Variants in ATP6V1H observed in about 807,000 individuals in gnomAD.
ATP6V1H encodes the protein V-type proton ATPase subunit H.
ATP6V1H carries 39 observed loss-of-function variants against 71.7 expected under a neutral mutation model. The observed-to-expected ratio is 0.54, with a 90% confidence interval of 0.42 to 0.71. The LOEUF (loss-of-function observed/expected upper bound fraction) is 0.71. ATP6V1H is among the 30% of genes least tolerant of loss of function. The probability of loss-of-function intolerance (pLI) is 0.00; values close to 1 mark genes in which losing one functional copy is unlikely to be tolerated. For missense variants in ATP6V1H, 509 were observed against 594.9 expected, an observed-to-expected ratio of 0.86 and a Z score of 1.50; for synonymous variants, 192 against 199.3, an observed-to-expected ratio of 0.96 and a Z score of 0.31.
At chr8:53,812,614 T>C (rs1647619998) in intron 6 of ATP6V1H, among the ~76,000 whole-genome samples, 1 of 152,200 alleles carries the variant, frequency 6.6e-6, no homozygotes, top group African/African-American at 2.4e-5. Flanking sequence ...CAATTTTCAT[T>C]TTATGAATTC....
intron 9 of ATP6V1H, among the ~76,000 whole-genome samples, chr8:53,777,957 C>T (rs141360320): frequency 1.1e-3 from 171 of 152,232 alleles, no homozygotes; most frequent in African/African-American, 4.1e-3. Context: ...GTTTTTCCCT[C>T]TTTACTTCCA....
intron 12 of ATP6V1H, among the ~76,000 whole-genome samples, chr8:53,753,603 T>C (rs1807880678): frequency 6.6e-6 from 1 of 152,238 alleles, no homozygotes; most frequent in Admixed American, 6.5e-5. Context: ...GTTTTAAAAC[T>C]ATCATATTTT....
At chr8:53,814,839 A>C in intron 5 of ATP6V1H, 73 bp from the exon 6 acceptor site, 2 of 988,026 alleles carry the variant, frequency 2.0e-6, no homozygotes, top group South Asian at 3.2e-5. Flanking sequence ...TAAAAAAAGG[A>C]TTTGTAACAA....
At chr8:53,837,573 C>T (rs532533847) in intron 2 of ATP6V1H, among the ~76,000 whole-genome samples, 1 of 151,382 alleles carries the variant, frequency 6.6e-6, no homozygotes, top group Admixed American at 6.6e-5. Flanking sequence ...AATGAAGAGG[C>T]CAAAGAATCT....
chr8:53,726,493 T>A (rs1806817335), intron 13 of ATP6V1H, among the ~76,000 whole-genome samples: 1 of 152,350 alleles, frequency 6.6e-6, no homozygotes, highest in Admixed American at 6.5e-5. Flanking sequence ...AAGATTAAAG[T>A]AAATCATGAC....
In ATP6V1H at chr8:53,762,804, T is replaced by C. The variant is rs149973428; in HGVS notation, c.1176-6148A>G. ...ACAGTTGACCATTGAACAGCACAAATCTGAACTGCACAGGTCCACTTACAC... is the reference window on the plus strand; with the variant it reads ...ACAGTTGACCATTGAACAGCACAAACCTGAACTGCACAGGTCCACTTACAC... On this transcript the variant is annotated intron_variant, in intron 11 of 13. Coordinates refer to ENST00000359530, the MANE Select transcript of ATP6V1H (RefSeq NM_015941.4). Among the ~76,000 whole-genome samples the C allele has an allele frequency of 2.2e-3, 335 of 152,220 alleles. 2 individuals carry two copies. Among genetic ancestry groups the C allele is most frequent in the African/African-American group, 7.8e-3 (324 of 41,522 alleles).
chr8:53,722,346 G>T (rs1326751849), intron 13 of ATP6V1H, among the ~76,000 whole-genome samples: 4 of 152,178 alleles, frequency 2.6e-5, no homozygotes, highest in Non-Finnish European at 5.9e-5. Flanking sequence ...TTCCTGATCA[G>T]CAAGTGGTTA....
At position 53,747,313 on chromosome 8, in the gene ATP6V1H, G is replaced by C. The variant is rs146107874; in HGVS notation, c.1278-3623C>G. Among the ~76,000 whole-genome samples the C allele has an allele frequency of 5.8e-3, 889 of 152,164 alleles. 12 individuals carry two copies. Among genetic ancestry groups the C allele is most frequent in the African/African-American group, 0.02 (829 of 41,524 alleles). ...TATGAAAGTCAATATTTTTTAATCT[G>C]TGTAGCAATATACCCTCTAGAGTTA... is the stretch of plus-strand genomic sequence containing the variant. On this transcript the variant is annotated intron_variant, in intron 12 of 13. Coordinates refer to ENST00000359530, the MANE Select transcript of ATP6V1H (RefSeq NM_015941.4).
At position 53,782,176 on chromosome 8, in the gene ATP6V1H, T is replaced by G. The variant is rs1239434100; in HGVS notation, c.871-10009A>C. The stretch of plus-strand genomic sequence containing the variant: ...TATTGATTCTTCCTACCCATGAGCA[T>G]GGAATGTTCTTCCATTTGTTTGTAT... On this transcript the variant is annotated intron_variant, in intron 9 of 13. Transcript: ENST00000359530. Among the ~76,000 whole-genome samples, 4 of 152,172 alleles carry G rather than the reference T, an allele frequency of 2.6e-5. No individual in the cohort carries two copies. In the South Asian group the frequency reaches 8.3e-4, roughly 32 times the overall value.
chr8:53,816,978 C>T (rs1351215087), intron 5 of ATP6V1H, among the ~76,000 whole-genome samples: 1 of 152,152 alleles, frequency 6.6e-6, no homozygotes, highest in Non-Finnish European at 1.5e-5. Context: ...CTTTGATGCA[C>T]TCCTTGTAGT....
rs567545966 is a variant in ATP6V1H at position 53,828,668 on chromosome 8, G to T, written c.306+776C>A. The stretch of plus-strand genomic sequence containing the variant: ...CCTATAAAGGACATGATGACCCCTA[G>T]GAAGACAGCACCATTCTGCCCAACC... On this transcript the variant is annotated intron_variant, in intron 4 of 13. Transcript: ENST00000359530. Among the ~76,000 whole-genome samples, 390 of 152,210 alleles carry T rather than the reference G, an allele frequency of 2.6e-3. 2 individuals carry two copies. Among genetic ancestry groups the T allele is most frequent in the Middle Eastern group, 0.014 (4 of 292 alleles).
chr8:53,742,902 T>A (rs1388626115), intron 13 of ATP6V1H, among the ~76,000 whole-genome samples: 1 of 152,158 alleles, frequency 6.6e-6, no homozygotes, highest in East Asian at 1.9e-4. Context: ...ATTTGAACTG[T>A]TTAGGATACT....
chr8:53,742,460 A>G (rs1807447527), intron 13 of ATP6V1H, among the ~76,000 whole-genome samples: 1 of 152,156 alleles, frequency 6.6e-6, no homozygotes, highest in African/African-American at 2.4e-5. Context: ...CTGGTTACTT[A>G]TCATTATTGT....
At chr8:53,750,662 G>A (rs1433971994) in intron 12 of ATP6V1H, among the ~76,000 whole-genome samples, 1 of 152,092 alleles carries the variant, frequency 6.6e-6, no homozygotes, top group Non-Finnish European at 1.5e-5. Flanking sequence ...ACTGTTTGAT[G>A]GAGATAGAGA....
intron 13 of ATP6V1H, among the ~76,000 whole-genome samples, chr8:53,728,852 C>T (rs926487400): frequency 1.3e-5 from 2 of 152,160 alleles, no homozygotes; most frequent in African/African-American, 2.4e-5. Flanking sequence ...ATGCAGAGCT[C>T]GGTCCTATCT....
At chr8:53,779,665 T>A (rs1231084440) in intron 9 of ATP6V1H, among the ~76,000 whole-genome samples, 1 of 151,990 alleles carries the variant, frequency 6.6e-6, no homozygotes, top group Non-Finnish European at 1.5e-5. Context: ...ACCTCTTACT[T>A]ATAAAACTCT....
At chr8:53,743,773 C>T (rs1000526519) in intron 12 of ATP6V1H, 83 bp from the exon 13 acceptor site, 57 of 849,676 alleles carry the variant, frequency 6.7e-5, no homozygotes, top group Non-Finnish European at 8.4e-5. Context: ...AATACCAACA[C>T]GCTAAAAAGG....
Position 53,769,668 on chromosome 8 carries a change from A to T in ATP6V1H, c.1125T>A (p.Phe375Leu), listed in dbSNP as rs766679166. 1 of 1,613,208 alleles carries T rather than the reference A, an allele frequency of 6.2e-7. No homozygotes were observed. Among genetic ancestry groups the T allele is most frequent in the African/African-American group, 1.3e-5 (1 of 74,900 alleles). Residue 375 changes from phenylalanine to leucine, a missense_variant, in exon 11 of 14, where the codon TTT becomes TTA. Phe to Leu is a conservative substitution (Grantham distance 22). Coordinates refer to ENST00000359530, the MANE Select transcript of ATP6V1H (RefSeq NM_015941.4). The stretch of plus-strand genomic sequence containing the variant: ...TTAACCTCACAGCATTCTCTCTCCA[A>T]AATTTCTCAGATTTGTGCACAGGAC... ...EWSPVHKSEKFWRENAVRLNE... is the reference protein window; with the variant it reads ...EWSPVHKSEKLWRENAVRLNE...
intron 9 of ATP6V1H, among the ~76,000 whole-genome samples, chr8:53,776,209 C>A (rs962618670): frequency 6.6e-6 from 1 of 152,202 alleles, no homozygotes; most frequent in South Asian, 2.1e-4. Context: ...GCCCGCCAAG[C>A]CCACGCCCAC....
Sources: gnomAD v4.1 joint callset for allele counts (sites outside exome capture counted in the v4.1 genomes callset) on GRCh38, gnomAD v4.1.1 for gene constraint, MANE v1.5 for transcripts, NCBI Gene and HGNC (gene_info 2026-07-23, HGNC 2026-07-21) for gene names.